GRXCR2: variants seen among roughly 807,000 people sequenced by gnomAD.
GRXCR2 encodes glutaredoxin and cysteine rich domain containing 2, also known as glutaredoxin domain-containing cysteine-rich protein 2.
In GRXCR2, 23 loss-of-function variants were observed where a neutral mutation model predicts 24.8. The observed-to-expected ratio is 0.93, with a 90% CI of 0.67 to 1.32. GRXCR2 has a LOEUF of 1.32. Ranked by LOEUF, GRXCR2 falls within the 40% of genes most tolerant of loss-of-function variation. The pLI, the probability that GRXCR2 is intolerant of heterozygous loss-of-function variation, is 0.00. For missense variants in GRXCR2, 315 were observed against 303.4 expected (o/e 1.04, Z -0.28); for synonymous variants, 130 against 116.1 (o/e 1.12, Z -0.77).
chr5:145,868,212 T>C (rs1322574339), intron 1 of GRXCR2, among the ~76,000 whole-genome samples: 1 of 152,138 alleles, frequency 6.6e-6, no homozygotes, highest in Non-Finnish European at 1.5e-5. Flanking sequence ...TTATTTAAAA[T>C]TATTCTTCTG....
intron 2 of GRXCR2, among the ~76,000 whole-genome samples, chr5:145,916,211 G>A (rs1348272303): frequency 2.0e-5 from 3 of 152,148 alleles, no homozygotes; most frequent in Non-Finnish European, 4.4e-5. Context: ...CAAACTGACT[G>A]TACGTGTGTC....
At chr5:145,911,083 A>G (rs1757159825) in intron 2 of GRXCR2, among the ~76,000 whole-genome samples, 2 of 152,008 alleles carry the variant, frequency 1.3e-5, no homozygotes, top group Non-Finnish European at 2.9e-5. Context: ...GAAAATACTT[A>G]ATTGGCGAAT....
chr5:145,911,191 T>C (rs1028485325), intron 2 of GRXCR2, among the ~76,000 whole-genome samples: 2 of 152,158 alleles, frequency 1.3e-5, no homozygotes, highest in African/African-American at 4.8e-5. Context: ...GCACCTCGAG[T>C]TAACATTTTA....
intron 2 of GRXCR2, among the ~76,000 whole-genome samples, chr5:145,924,574 TA>T (rs1309118992): frequency 1.3e-5 from 2 of 152,162 alleles, no homozygotes; most frequent in African/African-American, 4.8e-5. Context: ...AAAGTTGCAA[TA>T]AAGTATTGAC....
In GRXCR2 at chr5:145,904,974, G is replaced by A. The variant is rs1019593920; in HGVS notation, c.-70+30727C>T. ...GGAAGCAGTCCAAACAAGCAAGTCC[G>A]CATGCACCGTGACTTATCCAGCTTC... On this transcript the variant is annotated intron_variant, in intron 2 of 3. Transcript: ENST00000639411. Among the ~76,000 whole-genome samples, 8 of 152,238 alleles carry A rather than the reference G, an allele frequency of 5.3e-5. No homozygotes were observed. The South Asian group carries it at 6.2e-4, about 12-fold the overall frequency.
At chr5:145,869,182 G>A (rs1360604340) in intron 1 of GRXCR2, among the ~76,000 whole-genome samples, 2 of 152,168 alleles carry the variant, frequency 1.3e-5, no homozygotes, top group South Asian at 2.1e-4. Context: ...AGTTCAGATT[G>A]TATTAAAATG....
intron 2 of GRXCR2, among the ~76,000 whole-genome samples, chr5:145,897,372 A>G (rs1336646135): frequency 6.6e-6 from 1 of 152,110 alleles, no homozygotes; most frequent in Middle Eastern, 3.2e-3. Flanking sequence ...AATAGTGGAG[A>G]ACTTTAACAC....
upstream of GRXCR2, among the ~76,000 whole-genome samples, chr5:145,876,333 G>A (rs192259875): frequency 3.9e-3 from 589 of 149,156 alleles, 1 homozygote; most frequent in African/African-American, 0.014. Flanking sequence ...TTGGAGTGCA[G>A]GGGTGCAACC....
At chr5:145,869,219 A>C (rs1756484907) in intron 1 of GRXCR2, among the ~76,000 whole-genome samples, 1 of 152,216 alleles carries the variant, frequency 6.6e-6, no homozygotes, top group Non-Finnish European at 1.5e-5. Flanking sequence ...TGAGGTTTGC[A>C]AGTTAGTTAA....
intron 2 of GRXCR2, among the ~76,000 whole-genome samples, chr5:145,863,594 T>A (rs981034855): frequency 3.9e-5 from 6 of 152,258 alleles, no homozygotes; most frequent in South Asian, 2.1e-4. Flanking sequence ...AATTAAAAAA[T>A]TTTATAGTGG....
intron 2 of GRXCR2, among the ~76,000 whole-genome samples, chr5:145,890,974 T>C (rs1381637202): frequency 6.6e-6 from 1 of 152,224 alleles, no homozygotes; most frequent in African/African-American, 2.4e-5. Flanking sequence ...GGAGTCACTA[T>C]TCTTATATCA....
intron 2 of GRXCR2, among the ~76,000 whole-genome samples, chr5:145,919,478 C>T (rs1757293183): frequency 1.3e-5 from 2 of 152,298 alleles, no homozygotes; most frequent in South Asian, 4.1e-4. Flanking sequence ...CCCAGCCCCT[C>T]CATTCTTAAC....
At chr5:145,929,223 A>G (rs982692714) in intron 2 of GRXCR2, among the ~76,000 whole-genome samples, 1 of 142,900 alleles carries the variant, frequency 7.0e-6, no homozygotes, top group African/African-American at 2.6e-5. Context: ...ATATATATAT[A>G]TCACCATTTA....
rs956122640 is a variant in GRXCR2 at position 145,859,478 on chromosome 5, C to T, written c.*255G>A. The T allele has an allele frequency of 8.4e-5, 44 of 523,742 alleles. No individual in the cohort carries two copies. The highest frequency in any genetic ancestry group is 1.4e-4 in the Non-Finnish European group (40 of 294,208). 32.4% of individuals were successfully genotyped at this position (523,742 alleles called of 1,614,324 possible). On this transcript the variant is annotated 3_prime_UTR_variant, in exon 3 of 3. Transcript: ENST00000377976. ...CTAAGTCAAGTGAGATACACTCACA[C>T]CATCCTGGAAGGATAATTTTAGAAC...
At chr5:145,903,592 A>T (rs1441184375) in intron 2 of GRXCR2, among the ~76,000 whole-genome samples, 1 of 152,162 alleles carries the variant, frequency 6.6e-6, no homozygotes, top group Non-Finnish European at 1.5e-5. Context: ...GACTAAAACA[A>T]ACCTCTAGCC....
chr5:145,898,585 A>G (rs1416050333), intron 2 of GRXCR2, among the ~76,000 whole-genome samples: 1 of 152,202 alleles, frequency 6.6e-6, no homozygotes, highest in Non-Finnish European at 1.5e-5. Context: ...TTAATCCACC[A>G]TGATCAAATA....
At chr5:145,914,214 C>T (rs1757204330) in intron 2 of GRXCR2, among the ~76,000 whole-genome samples, 1 of 152,102 alleles carries the variant, frequency 6.6e-6, no homozygotes, top group Non-Finnish European at 1.5e-5. Flanking sequence ...AACCAAGTTT[C>T]AGGGCAACTT....
At chr5:145,910,586 G>A (rs535476381) in intron 2 of GRXCR2, among the ~76,000 whole-genome samples, 100 of 152,022 alleles carry the variant, frequency 6.6e-4, no homozygotes, top group African/African-American at 2.4e-3. Flanking sequence ...TACTTTCGTA[G>A]TACATATGAT....
chr5:145,866,471 C>T (rs200657078), intron 2 of GRXCR2, 30 bp downstream of exon 2: 15 of 1,544,132 alleles, frequency 9.7e-6, no homozygotes, highest in Admixed American at 1.7e-5. Context: ...GGGCCAGCTC[C>T]GAGCAGGACA....
Sources: allele counts gnomAD v4.1 joint callset (sites outside exome capture counted in the v4.1 genomes callset), GRCh38; gene constraint gnomAD v4.1.1; transcripts MANE v1.5; gene names NCBI Gene and HGNC (gene_info 2026-07-23, HGNC 2026-07-21).